The following SLC11A2 variants were observed in gnomAD, a reference collection of about 807,000 sequenced individuals.
SLC11A2 encodes solute carrier family 11 member 2.
A neutral mutation model predicts 68.0 loss-of-function variants in SLC11A2; 38 were observed. The observed-to-expected ratio is 0.56, with a 90% CI of 0.43 to 0.73. The LOEUF is 0.73. Among genes scored for constraint, SLC11A2 ranks in the 30% least tolerant of loss-of-function variants. The probability of loss-of-function intolerance (pLI) is 0.00; values close to 1 mark genes in which losing one functional copy is unlikely to be tolerated. For missense variants in SLC11A2, 517 were observed against 690.5 expected (o/e 0.75, Z 2.82); for synonymous variants, 242 against 250.6 (o/e 0.97, Z 0.32).
At chr12:51,002,896 C>T (rs550734779) in intron 5 of SLC11A2, among the ~76,000 whole-genome samples, 18 of 150,906 alleles carry the variant, frequency 1.2e-4, no homozygotes, top group East Asian at 3.9e-4. Flanking sequence ...GCTGAGATCA[C>T]GCCACTGTAC....
intron 9 of SLC11A2, among the ~76,000 whole-genome samples, chr12:50,996,285 T>G (rs545463145): frequency 2.6e-5 from 4 of 152,256 alleles, no homozygotes; most frequent in African/African-American, 9.6e-5. Flanking sequence ...ATGAAGAACT[T>G]TAGTCCCAGC....
intron 5 of SLC11A2, 25 bp downstream of exon 5, chr12:51,004,763 A>G (rs748746952): frequency 1.9e-6 from 3 of 1,612,782 alleles, no homozygotes; most frequent in East Asian, 4.5e-5. Context: ...TGGGTGAGAG[A>G]CAAACAGGAC....
At position 50,986,861 on chromosome 12, in the gene SLC11A2, G is replaced by A; in HGVS notation, c.*1464C>T. On this transcript the variant is annotated 3_prime_UTR_variant, in exon 16 of 16. Transcript: ENST00000262052. ...AGTCTGCGCTTTTGACTGTGTGCAA[G>A]TATCAGTAATAATGCTTTTGGGGGC... 1 of 1,287,196 alleles carries A rather than the reference G, an allele frequency of 7.8e-7. No individual in the cohort carries two copies. Among genetic ancestry groups the A allele is most frequent in the Non-Finnish European group, 1.0e-6 (1 of 988,678 alleles). The allele number at this position is 1,287,196 out of a possible 1,614,324, so 79.7% of individuals were successfully genotyped here.
At chr12:50,955,796 C>T in the SLC11A2 span, among the ~76,000 whole-genome samples, 3 of 152,106 alleles carry the variant, frequency 2.0e-5, no homozygotes, top group African/African-American at 7.2e-5. Flanking sequence ...AAACTCAATG[C>T]TACTTGAACA....
intron 1 of SLC11A2, among the ~76,000 whole-genome samples, chr12:51,019,529 G>A (rs142695838): frequency 6.6e-6 from 1 of 152,102 alleles, no homozygotes; most frequent in African/African-American, 2.4e-5. Context: ...GTATTTTAAT[G>A]AGGAAGGTTA....
the SLC11A2 span, among the ~76,000 whole-genome samples, chr12:50,965,778 G>A: frequency 6.6e-6 from 1 of 152,162 alleles, no homozygotes; most frequent in Non-Finnish European, 1.5e-5. Context: ...CCTGGTAAAT[G>A]AGCACAGGTC....
In SLC11A2 at chr12:50,988,382, C is replaced by T. The variant is rs1315660765; in HGVS notation, c.1629G>A (p.Thr543=). ...LGMSFLDCGH[T]VSISKGLLTE... ...TCAGCAGGCCTTTAGAGATGCTTACCGTATGCCCACAGTCCAGGAAGGACA... is the reference window on the plus strand; with the variant it reads ...TCAGCAGGCCTTTAGAGATGCTTACTGTATGCCCACAGTCCAGGAAGGACA... Residue 543 remains threonine, a synonymous_variant, in exon 16 of 16, where the codon ACG becomes ACA. Coordinates refer to ENST00000262052, the MANE Select transcript of SLC11A2 (RefSeq NM_000617.3). 5.0e-6 allele frequency: 8 copies of T among 1,613,908 alleles called. No homozygotes were observed. Among genetic ancestry groups the T allele is most frequent in the East Asian group, 2.2e-5 (1 of 44,882 alleles).
downstream of SLC11A2, among the ~76,000 whole-genome samples, chr12:50,984,327 C>T (rs1182305885): frequency 1.3e-5 from 2 of 152,142 alleles, no homozygotes; most frequent in Non-Finnish European, 2.9e-5. Context: ...CACTGTATTA[C>T]ACTGGCTTTA....
At chr12:51,022,914 C>A (rs1245929895) in intron 1 of SLC11A2, among the ~76,000 whole-genome samples, 2 of 152,032 alleles carry the variant, frequency 1.3e-5, no homozygotes, top group Non-Finnish European at 2.9e-5. Flanking sequence ...TTCCTTATGC[C>A]AAAAAATATA....
chr12:51,012,088 G>T (rs1943278042), intron 1 of SLC11A2, among the ~76,000 whole-genome samples: 2 of 152,120 alleles, frequency 1.3e-5, no homozygotes, highest in Non-Finnish European at 2.9e-5. Flanking sequence ...GAAGAAACTA[G>T]TCACCCGTGG....
chr12:50,959,033 A>G, the SLC11A2 span, among the ~76,000 whole-genome samples: 2 of 152,012 alleles, frequency 1.3e-5, no homozygotes, highest in African/African-American at 4.8e-5. Flanking sequence ...AAAACAAACA[A>G]AAAAAAGATG....
chr12:51,007,163 T>C (rs1942797362), intron 3 of SLC11A2, among the ~76,000 whole-genome samples: 1 of 152,164 alleles, frequency 6.6e-6, no homozygotes, highest in African/African-American at 2.4e-5. Flanking sequence ...CTTAAATATA[T>C]TGGCTGATGT....
chr12:51,016,501 G>C (rs1055205979), intron 1 of SLC11A2, among the ~76,000 whole-genome samples: 1 of 151,908 alleles, frequency 6.6e-6, no homozygotes, highest in African/African-American at 2.4e-5. Context: ...GGCCAACATG[G>C]TGAGACCCCA....
chr12:51,024,818 C>T (rs1328377672), intron 1 of SLC11A2: 2 of 152,112 alleles, frequency 1.3e-5, no homozygotes, highest in Non-Finnish European at 2.9e-5. Context: ...AAGAAGCTTC[C>T]CCATTCCTTA....
In SLC11A2 at chr12:51,005,335, C is replaced by T. The variant is rs1361332204; in HGVS notation, c.285G>A (p.Gln95=). ...CCTTAAATCCAGCCACTGCTCCAGA[C>T]TGCAAATCGGATTCAATATTTCCTG... ...LDPGNIESDL[Q]SGAVAGFKLL... Residue 95 remains glutamine, a synonymous_variant, in exon 4 of 16, where the codon CAG becomes CAA. Transcript: ENST00000262052. 3.7e-6 allele frequency: 6 copies of T among 1,614,026 alleles called. No individual in the cohort carries two copies. Among genetic ancestry groups the T allele is most frequent in the Non-Finnish European group, 5.1e-6 (6 of 1,179,928 alleles).
chr12:51,028,313 C>T (rs144844219), upstream of SLC11A2: 228 of 980,550 alleles, frequency 2.3e-4, no homozygotes, highest in African/African-American at 3.2e-3. Context: ...ATAAAGGGCA[C>T]TTTTGGGTGC....
chr12:50,983,359 T>G (rs1940236800), downstream of SLC11A2, among the ~76,000 whole-genome samples: 1 of 152,222 alleles, frequency 6.6e-6, no homozygotes, highest in African/African-American at 2.4e-5. Context: ...AGCCTCTAAG[T>G]TAATGCAGAA....
chr12:50,981,135 A>C (rs1939998882), downstream of SLC11A2: 1 of 152,218 alleles, frequency 6.6e-6, no homozygotes, highest in South Asian at 2.1e-4. Flanking sequence ...TTTTTTTAAG[A>C]AATGATGTGT....
the SLC11A2 span, among the ~76,000 whole-genome samples, chr12:50,968,308 C>G: frequency 6.6e-6 from 1 of 152,160 alleles, no homozygotes; most frequent in Non-Finnish European, 1.5e-5. Flanking sequence ...AACTAGAACC[C>G]AAGAAGACAG....
Sources: allele counts gnomAD v4.1 joint callset (sites outside exome capture counted in the v4.1 genomes callset), GRCh38; gene constraint gnomAD v4.1.1; transcripts MANE v1.5; gene names NCBI Gene and HGNC (gene_info 2026-07-23, HGNC 2026-07-21).